Variants in GABRA4 observed in about 807,000 individuals in gnomAD.
GABRA4 encodes gamma-aminobutyric acid type A receptor subunit alpha4.
In GABRA4, 12 loss-of-function variants were observed where a neutral mutation model predicts 49.7. The ratio of observed to expected loss-of-function variants is 0.24; its 90% CI spans 0.15 to 0.39. The LOEUF is 0.39. Ranked by LOEUF, GABRA4 falls within the 10% of genes least tolerant of loss-of-function variation. The probability of loss-of-function intolerance (pLI) is 1.00; values close to 1 mark genes in which losing one functional copy is unlikely to be tolerated. For synonymous variants in GABRA4, 288 were observed against 240.2 expected (o/e 1.20, Z -1.84); for missense variants, 506 against 686.0 (o/e 0.74, Z 2.93).
At chr4:46,970,245 C>G (rs575072175) in intron 7 of GABRA4, among the ~76,000 whole-genome samples, 23 of 151,512 alleles carry the variant, frequency 1.5e-4, no homozygotes, top group African/African-American at 5.3e-4. Flanking sequence ...TGTGATCCTA[C>G]TAGGTAGAAA....
intron 2 of GABRA4, among the ~76,000 whole-genome samples, chr4:46,987,085 T>A (rs975506736): frequency 3.3e-5 from 5 of 152,102 alleles, no homozygotes; most frequent in Non-Finnish European, 7.4e-5. Context: ...CCTGCTAAAA[T>A]CTTTCCAGTC....
chr4:46,937,161 G>T (rs1289194408), intron 8 of GABRA4, among the ~76,000 whole-genome samples: 1 of 152,162 alleles, frequency 6.6e-6, no homozygotes, highest in Non-Finnish European at 1.5e-5. Flanking sequence ...GTTTCTCTCT[G>T]TCTTCTCACC....
chr4:46,953,761 A>G (rs1722249824), intron 8 of GABRA4, among the ~76,000 whole-genome samples: 1 of 152,178 alleles, frequency 6.6e-6, no homozygotes, highest in South Asian at 2.1e-4. Context: ...AGAGTTTCAA[A>G]GTATGGCTTA....
intron 8 of GABRA4, among the ~76,000 whole-genome samples, chr4:46,961,206 G>T (rs1722561577): frequency 6.6e-6 from 1 of 151,740 alleles, no homozygotes; most frequent in Admixed American, 6.6e-5. Flanking sequence ...CTGCACACAC[G>T]CCATTCTTAA....
At chr4:46,947,303 G>A (rs1216280069) in intron 8 of GABRA4, among the ~76,000 whole-genome samples, 3 of 151,846 alleles carry the variant, frequency 2.0e-5, no homozygotes, top group African/African-American at 2.4e-5. Flanking sequence ...CATCACACAC[G>A]CCGTCTGTGG....
In GABRA4 at chr4:46,993,581, T is replaced by A; in HGVS notation, c.-157A>T. 1 of 705,180 alleles carries A rather than the reference T, an allele frequency of 1.4e-6. No individual in the cohort carries two copies. The highest frequency in any genetic ancestry group is 2.9e-4 in the Middle Eastern group (1 of 3,442). The allele number at this position is 705,180 out of a possible 1,614,324, so 43.7% of individuals were successfully genotyped here. A position where few individuals can be genotyped will look rare whatever the true frequency, so the allele number is the denominator to read the frequency against. ...GCCAGCCCGAGCCGCGGTGGGCGTG[T>A]GTGTGCACGGGGCCAGGGGAGGCGG... On this transcript the variant is annotated 5_prime_UTR_variant, in exon 1 of 9. Coordinates refer to ENST00000264318, the MANE Select transcript of GABRA4 (RefSeq NM_000809.4).
At chr4:46,983,309 A>G (rs989287511) in intron 2 of GABRA4, among the ~76,000 whole-genome samples, 5 of 152,060 alleles carry the variant, frequency 3.3e-5, no homozygotes, top group Admixed American at 6.6e-5. Flanking sequence ...TATTTTCTCA[A>G]AGCGCTTTTC....
intron 8 of GABRA4, among the ~76,000 whole-genome samples, chr4:46,962,991 T>A (rs1330979173): frequency 1.3e-5 from 2 of 151,776 alleles, no homozygotes; most frequent in Non-Finnish European, 2.9e-5. Flanking sequence ...ACCATTGAGC[T>A]ATTACAAGAA....
chr4:46,955,486 A>G (rs1722307243), intron 8 of GABRA4, among the ~76,000 whole-genome samples: 1 of 152,090 alleles, frequency 6.6e-6, no homozygotes, highest in Non-Finnish European at 1.5e-5. Context: ...TTAATTTATT[A>G]CTTTTTCGCA....
In GABRA4 at chr4:46,955,068, T is replaced by A. The variant is rs183621705; in HGVS notation, c.1134+9902A>T. On this transcript the variant is annotated intron_variant, in intron 8 of 8. Transcript: ENST00000264318. The stretch of plus-strand genomic sequence containing the variant: ...ATAAATGATGATGATGTTGATGACA[T>A]GCTGCTCTCTAAATTCTATGCTAAA... Among the ~76,000 whole-genome samples the A allele has an allele frequency of 3.0e-3, 451 of 152,284 alleles. 1 individual carries two copies. The highest frequency in any genetic ancestry group is 4.0e-3 in the Non-Finnish European group (269 of 68,012).
At chr4:46,940,576 T>C (rs1294650132) in intron 8 of GABRA4, among the ~76,000 whole-genome samples, 3 of 152,058 alleles carry the variant, frequency 2.0e-5, no homozygotes, top group African/African-American at 7.2e-5. Context: ...AGTAGTCAAT[T>C]GGTCATAAAG....
rs1721134232 is a variant in GABRA4 at position 46,924,311 on chromosome 4, A to G, written c.*3914T>C. 6.6e-6 allele frequency: 1 copy of G among 152,102 alleles called. No homozygotes were observed. Among genetic ancestry groups the G allele is most frequent in the African/African-American group, 2.4e-5 (1 of 41,446 alleles). 9.4% of individuals were successfully genotyped at this position (152,102 alleles called of 1,614,324 possible). A position where few individuals can be genotyped will look rare whatever the true frequency, so the allele number is the denominator to read the frequency against. Reference sequence around the variant, plus strand: ...AAAAATATTCACTTAAATATTAGGTATCTTGATTATTGAAGTTTTGATGTC... The same window carrying G: ...AAAAATATTCACTTAAATATTAGGTGTCTTGATTATTGAAGTTTTGATGTC... On this transcript the variant is annotated 3_prime_UTR_variant, in exon 9 of 9. Coordinates refer to ENST00000264318, the MANE Select transcript of GABRA4 (RefSeq NM_000809.4).
intron 7 of GABRA4, 27 bp downstream of exon 7, chr4:46,971,056 A>G: frequency 6.3e-7 from 1 of 1,593,306 alleles, no homozygotes; most frequent in Non-Finnish European, 8.5e-7. Flanking sequence ...TGTGAACAAA[A>G]ACGCCCAAGA....
Position 46,993,177 on chromosome 4 carries a change from G to T in GABRA4, c.86+162C>A, listed in dbSNP as rs957337040. ...GGATCCTGCGCCCTTGGTGCTCTCC[G>T]CATCTATGCGGTCACAGAAAAGCCT... On this transcript the variant is annotated intron_variant, in intron 1 of 8. Transcript: ENST00000264318. Among the ~76,000 whole-genome samples the T allele has an allele frequency of 9.2e-5, 14 of 152,270 alleles. 1 individual carries two copies. In the East Asian group the frequency reaches 2.7e-3, roughly 29 times the overall value.
chr4:46,982,326 C>T (rs747801673), intron 2 of GABRA4, among the ~76,000 whole-genome samples: 32 of 152,010 alleles, frequency 2.1e-4, no homozygotes, highest in South Asian at 4.1e-4. Context: ...TTCACTAGGG[C>T]GGGCCCTAAT....
chr4:46,974,998 T>C (rs768938842), intron 5 of GABRA4, among the ~76,000 whole-genome samples: 2 of 151,944 alleles, frequency 1.3e-5, no homozygotes, highest in Non-Finnish European at 2.9e-5. Flanking sequence ...CTACCTTTAA[T>C]TTCTTACAAT....
chr4:46,928,452 C>T lies in GABRA4; in HGVS notation c.1438G>A (p.Gly480Arg). ...GTCTTTATCCTCTGCAGTCTTGATCCAAACACGTGACGAGTAGAAGCAGAT... is the reference window on the plus strand; with the variant it reads ...GTCTTTATCCTCTGCAGTCTTGATCTAAACACGTGACGAGTAGAAGCAGAT... ...VGSASTRHVF[G>R]SRLQRIKTTV... Residue 480 changes from glycine to arginine, a missense_variant, in exon 9 of 9, where the codon GGA (glycine) becomes AGA (arginine). Around this residue, in one of 5 missense-constraint regions of GABRA4, gnomAD observed 243 missense variants for 210.8 expected, o/e 1.15. Coordinates refer to ENST00000264318, the MANE Select transcript of GABRA4 (RefSeq NM_000809.4). The T allele has an allele frequency of 1.2e-6, 2 of 1,613,648 alleles. No homozygotes were observed. The highest frequency in any genetic ancestry group is 1.7e-6 in the Non-Finnish European group (2 of 1,179,720).
At chr4:46,989,162 T>G (rs1723650406) in intron 2 of GABRA4, among the ~76,000 whole-genome samples, 1 of 152,226 alleles carries the variant, frequency 6.6e-6, no homozygotes, top group South Asian at 2.1e-4. Flanking sequence ...AAGATTGAGA[T>G]GCGTGAAAGG....
intron 2 of GABRA4, among the ~76,000 whole-genome samples, chr4:46,990,609 AT>A (rs974538465): frequency 3.3e-5 from 5 of 151,900 alleles, no homozygotes; most frequent in African/African-American, 1.2e-4. Flanking sequence ...TACTTTTCTT[AT>A]TTTTTTTCTT....
Sources: gnomAD v4.1 joint callset for allele counts (sites outside exome capture counted in the v4.1 genomes callset) on GRCh38, gnomAD v4.1.1 for gene constraint, gnomAD v4.1.1 regional missense constraint, MANE v1.5 for transcripts, NCBI Gene and HGNC (gene_info 2026-07-23, HGNC 2026-07-21) for gene names.